Variants in PLCB4 observed in about 807,000 individuals in gnomAD.
PLCB4 encodes phospholipase C beta 4.
PLCB4 carries 77 observed loss-of-function variants against 178.8 expected under a neutral mutation model. The ratio of observed to expected loss-of-function variants is 0.43; its 90% CI spans 0.36 to 0.52. The LOEUF (loss-of-function observed/expected upper bound fraction) is 0.52. PLCB4 is among the 20% of genes least tolerant of loss of function. The pLI, the probability that PLCB4 is intolerant of heterozygous loss-of-function variation, is 0.00. For missense variants in PLCB4, 1,024 were observed against 1,453.4 expected (o/e 0.70, Z 4.80); for synonymous variants, 496 against 490.8 (o/e 1.01, Z -0.14).
At chr20:9,142,821 C>T (rs1354278480) in intron 2 of PLCB4, among the ~76,000 whole-genome samples, 1 of 152,136 alleles carries the variant, frequency 6.6e-6, no homozygotes, top group African/African-American at 2.4e-5. Context: ...CGTTGCCCTG[C>T]TCCTAGTCTA....
intron 23 of PLCB4, 96 bp downstream of exon 23, chr20:9,408,813 T>C: frequency 1.4e-6 from 1 of 736,388 alleles, no homozygotes; most frequent in East Asian, 2.6e-5. Flanking sequence ...ATTCTGGTGG[T>C]GGAGTTCATA....
chr20:9,452,381 G>A (rs1338260936), intron 32 of PLCB4, among the ~76,000 whole-genome samples: 8 of 152,122 alleles, frequency 5.3e-5, no homozygotes. Context: ...GAAATATGAC[G>A]GTGAGAGGGG....
chr20:9,083,325 G>A (rs1366154293), intron 1 of PLCB4, among the ~76,000 whole-genome samples: 1 of 151,822 alleles, frequency 6.6e-6, no homozygotes, highest in Non-Finnish European at 1.5e-5. Flanking sequence ...ACGAGACACA[G>A]GGTATGAGAC....
At chr20:9,237,073 T>C (rs2094001273) in intron 3 of PLCB4, among the ~76,000 whole-genome samples, 1 of 152,168 alleles carries the variant, frequency 6.6e-6, no homozygotes, top group Non-Finnish European at 1.5e-5. Flanking sequence ...TAAGAGAGAA[T>C]GAATGAAAAA....
intron 15 of PLCB4, among the ~76,000 whole-genome samples, chr20:9,389,201 A>G (rs1568715170): frequency 6.6e-6 from 1 of 152,174 alleles, no homozygotes; most frequent in Admixed American, 6.5e-5. Flanking sequence ...GATTATGTTT[A>G]GCTCCTTCAA....
chr20:9,184,016 G>A (rs1380364373), intron 2 of PLCB4, among the ~76,000 whole-genome samples: 1 of 152,090 alleles, frequency 6.6e-6, no homozygotes, highest in East Asian at 1.9e-4. Context: ...ATCAGTTTTT[G>A]CAAGTTTACA....
rs115548439 is a variant in PLCB4 at position 9,434,620 on chromosome 20, C to T, written c.2525-940C>T. Among the ~76,000 whole-genome samples, 1,132 of 152,248 alleles carry T rather than the reference C, an allele frequency of 7.4e-3. 17 individuals carry two copies. Among genetic ancestry groups the T allele is most frequent in the African/African-American group, 0.026 (1,061 of 41,544 alleles). ...TGAACTCGTGACCTCAGGTGATCCA[C>T]CCTTCTCGTGTTCCCAAAGTACTGG... is the stretch of plus-strand genomic sequence containing the variant. On this transcript the variant is annotated intron_variant, in intron 28 of 39. Coordinates refer to ENST00000378473, the MANE Select transcript of PLCB4 (RefSeq NM_001377142.1).
intron 2 of PLCB4, among the ~76,000 whole-genome samples, chr20:9,114,682 C>G (rs939986655): frequency 6.6e-6 from 1 of 152,160 alleles, no homozygotes; most frequent in Non-Finnish European, 1.5e-5. Context: ...GGAGAAGCTG[C>G]TTAGAGCAGT....
At chr20:9,356,212 G>C (rs1434750203) in intron 7 of PLCB4, among the ~76,000 whole-genome samples, 2 of 151,988 alleles carry the variant, frequency 1.3e-5, no homozygotes, top group Non-Finnish European at 2.9e-5. Context: ...CAGATGAGTA[G>C]GTTGCGAAAA....
chr20:9,414,627 A>C, intron 25 of PLCB4, among the ~76,000 whole-genome samples: 1 of 152,176 alleles, frequency 6.6e-6, no homozygotes, highest in East Asian at 1.9e-4. Flanking sequence ...CAACTGTAGC[A>C]AAACGTCAGA....
At chr20:9,240,613 T>C (rs907575825) in intron 3 of PLCB4, among the ~76,000 whole-genome samples, 1 of 152,206 alleles carries the variant, frequency 6.6e-6, no homozygotes, top group African/African-American at 2.4e-5. Flanking sequence ...CTCCAAGCCA[T>C]GCCCACTTCA....
At chr20:9,237,404 A>C (rs1365355158) in intron 3 of PLCB4, among the ~76,000 whole-genome samples, 2 of 152,152 alleles carry the variant, frequency 1.3e-5, no homozygotes, top group African/African-American at 2.4e-5. Context: ...TTAAAGCAGC[A>C]ATGGCCCTGA....
At chr20:9,141,102 A>C (rs986829696) in intron 2 of PLCB4, among the ~76,000 whole-genome samples, 4 of 152,176 alleles carry the variant, frequency 2.6e-5, no homozygotes, top group Admixed American at 2.6e-4. Flanking sequence ...GAGATGGTCC[A>C]TAAGTGCCTG....
At chr20:9,459,587 C>T (rs1228405779) in intron 34 of PLCB4, 48 bp from the exon 35 acceptor site, 3 of 1,440,340 alleles carry the variant, frequency 2.1e-6, no homozygotes, top group Non-Finnish European at 2.9e-6. Context: ...TGGGTTCATA[C>T]CTGACCTATG....
At chr20:9,423,384 C>G (rs529398203) in intron 27 of PLCB4, among the ~76,000 whole-genome samples, 1 of 152,246 alleles carries the variant, frequency 6.6e-6, no homozygotes, top group African/African-American at 2.4e-5. Flanking sequence ...GATTAGATCC[C>G]CAATTCCCAG....
intron 2 of PLCB4, among the ~76,000 whole-genome samples, chr20:9,104,829 T>C (rs1169614499): frequency 6.6e-6 from 1 of 152,120 alleles, no homozygotes; most frequent in Non-Finnish European, 1.5e-5. Context: ...AAGCTCTCCA[T>C]CCTTCTGTAG....
At chr20:9,186,009 C>G (rs1288765728) in intron 2 of PLCB4, among the ~76,000 whole-genome samples, 7 of 152,190 alleles carry the variant, frequency 4.6e-5, no homozygotes, top group African/African-American at 1.7e-4. Context: ...TACTGCCTCT[C>G]TAGAATGTAA....
intron 2 of PLCB4, among the ~76,000 whole-genome samples, chr20:9,170,743 G>T (rs1380059110): frequency 6.6e-6 from 1 of 152,146 alleles, no homozygotes; most frequent in Non-Finnish European, 1.5e-5. Flanking sequence ...ACAAGGTCTG[G>T]GGTTGATTTG....
chr20:9,118,935 T>A (rs1411242112), intron 2 of PLCB4, among the ~76,000 whole-genome samples: 1 of 152,188 alleles, frequency 6.6e-6, no homozygotes, highest in African/African-American at 2.4e-5. Flanking sequence ...AGCATCTTGC[T>A]AGGATGAGAA....
Sources: allele counts gnomAD v4.1 joint callset (sites outside exome capture counted in the v4.1 genomes callset), GRCh38; gene constraint gnomAD v4.1.1; transcripts MANE v1.5; gene names NCBI Gene and HGNC (gene_info 2026-07-23, HGNC 2026-07-21).